SPCS2: variants seen among roughly 807,000 people sequenced by gnomAD.
SPCS2 encodes signal peptidase complex subunit 2, also known as SPase 25 kDa subunit.
Under a neutral mutation model 22.3 loss-of-function variants are expected in SPCS2, and 3 were observed. That is an observed-to-expected ratio of 0.13 (90% CI 0.06 to 0.35). The LOEUF is 0.35. Among genes scored for constraint, SPCS2 ranks in the 10% least tolerant of loss-of-function variants. SPCS2 has a pLI of 1.00. For synonymous variants in SPCS2, 67 were observed against 97.2 expected, an observed-to-expected ratio of 0.69 and a Z score of 1.83; for missense variants, 169 against 280.9, an observed-to-expected ratio of 0.60 and a Z score of 2.85.
Position 74,965,811 on chromosome 11 carries a change from G to A in SPCS2, c.247G>A (p.Gly83Ser), listed in dbSNP as rs752434186. The change falls in exon 3 of 5, where the codon GGT becomes AGT. Residue 83 changes from glycine to serine, a missense_variant. By Grantham distance (56) the Gly-to-Ser change is moderately conservative. Coordinates refer to ENST00000263672, the MANE Select transcript of SPCS2 (RefSeq NM_014752.3). The stretch of plus-strand genomic sequence containing the variant: ...TGTGGAGAATTTTGGTCTAATTGAT[G>A]GTCGCCTCACCATCTGTACAATCTC... The part of the protein sequence containing the change: ...KYVENFGLID[G>S]RLTICTISCF... The A allele has an allele frequency of 6.2e-7, 1 of 1,612,960 alleles. No homozygotes were observed. The highest frequency in any genetic ancestry group is 8.5e-7 in the Non-Finnish European group (1 of 1,179,280).
At chr11:74,972,488 C>T (rs1244753955) in intron 4 of SPCS2, among the ~76,000 whole-genome samples, 1 of 152,206 alleles carries the variant, frequency 6.6e-6, no homozygotes, top group Non-Finnish European at 1.5e-5. Context: ...GCTCCTTTAC[C>T]ATTCACTATA....
At chr11:74,976,760 G>A (rs982736528) in intron 4 of SPCS2, 97 bp from the exon 5 acceptor site, 40 of 1,499,490 alleles carry the variant, frequency 2.7e-5, no homozygotes, top group Non-Finnish European at 3.7e-5. Flanking sequence ...ACCGTGCCCA[G>A]CTTACTCCTT....
chr11:74,965,218 G>C lies in SPCS2; in HGVS notation c.198+101G>C, dbSNP rs1014248017. ...TAACTTGGAGTGACCTTAGTTTTCA[G>C]TGTTAGAAATTAAGTCAGAAAGCAG... On this transcript the variant is annotated intron_variant, in intron 2 of 4. Coordinates refer to ENST00000263672, the MANE Select transcript of SPCS2 (RefSeq NM_014752.3). 42 of 783,278 alleles carry C rather than the reference G, an allele frequency of 5.4e-5. No individual in the cohort carries two copies. The African/African-American group carries it at 7.4e-4, about 14-fold the overall frequency. 48.5% of individuals were successfully genotyped at this position (783,278 alleles called of 1,614,324 possible).
chr11:74,962,462 TAAAAG>T (rs1948519828), intron 1 of SPCS2, among the ~76,000 whole-genome samples: 1 of 150,964 alleles, frequency 6.6e-6, no homozygotes, highest in Non-Finnish European at 1.5e-5. Flanking sequence ...AGGTCCCACA[TAAAAG>T]AAACTAATTT....
In SPCS2 at chr11:74,951,810, C is replaced by CA. The variant is rs61038317; in HGVS notation, c.114+2430dup. 8.1e-3 allele frequency among the ~76,000 whole-genome samples: 656 copies of CA among 81,324 alleles called. 9 individuals are homozygous for CA. Among genetic ancestry groups the CA allele is most frequent in the African/African-American group, 0.021 (474 of 22,204 alleles). 53.4% of individuals were successfully genotyped at this position (81,324 alleles called of 152,430 possible). On this transcript the variant is annotated intron_variant, in intron 1 of 4. Coordinates refer to ENST00000263672, the MANE Select transcript of SPCS2 (RefSeq NM_014752.3). The stretch of plus-strand genomic sequence containing the variant: ...GGGCAACAAGAGGGAAACTCTGTCT[C>CA]AAAAAAAAAAAAAAAAAAAGAGTAA...
At chr11:74,973,371 A>C (rs756674499) in intron 4 of SPCS2, among the ~76,000 whole-genome samples, 5 of 152,162 alleles carry the variant, frequency 3.3e-5, no homozygotes, top group Non-Finnish European at 4.4e-5. Flanking sequence ...TGCCATATTC[A>C]CATAGATGGT....
intron 1 of SPCS2, among the ~76,000 whole-genome samples, chr11:74,950,098 TA>T (rs1390162068): frequency 6.6e-6 from 1 of 152,168 alleles, no homozygotes; most frequent in African/African-American, 2.4e-5. Flanking sequence ...AACAAGGGTT[TA>T]AAAGAAAAGA....
At chr11:74,968,498 G>T (rs1051999684) in intron 3 of SPCS2, among the ~76,000 whole-genome samples, 11 of 147,080 alleles carry the variant, frequency 7.5e-5, no homozygotes, top group South Asian at 2.2e-4. Context: ...ATTTTTTTTT[G>T]GTTTTTGTGG....
chr11:74,976,741 C>T (rs534897504), intron 4 of SPCS2, 116 bp from the exon 5 acceptor site: 13 of 1,300,798 alleles, frequency 1.0e-5, no homozygotes, highest in Middle Eastern at 2.0e-4. Context: ...TGTGTTTGTT[C>T]CCTGTATCAC....
chr11:74,976,828 T>G (rs1948616473), intron 4 of SPCS2, 29 bp from the exon 5 acceptor site: 1 of 1,613,154 alleles, frequency 6.2e-7, no homozygotes. Context: ...GTTTGGTTTT[T>G]AATTTGTTAT....
At chr11:74,950,371 G>C (rs1948383602) in intron 1 of SPCS2, among the ~76,000 whole-genome samples, 1 of 152,178 alleles carries the variant, frequency 6.6e-6, no homozygotes, top group Non-Finnish European at 1.5e-5. Context: ...GAATTGTTAA[G>C]CATGGTGTCT....
At chr11:74,972,215 G>A (rs946151300) in intron 4 of SPCS2, among the ~76,000 whole-genome samples, 1 of 151,868 alleles carries the variant, frequency 6.6e-6, no homozygotes, top group African/African-American at 2.4e-5. Context: ...ACGGACCCAC[G>A]ACCACACCCG....
At position 74,953,471 on chromosome 11, in the gene SPCS2, GC is replaced by G. The variant is rs540256380; in HGVS notation, c.114+4073del. On this transcript the variant is annotated intron_variant, in intron 1 of 4. Transcript: ENST00000263672. ...GCCTCCCAAAGTGCGGGGTTTACAA[GC>G]GTGCGCCACCACACCCAGCCTAATA... Among the ~76,000 whole-genome samples, 314 of 152,296 alleles carry G rather than the reference GC, an allele frequency of 2.1e-3. 4 individuals are homozygous for G. The highest frequency in any genetic ancestry group is 6.9e-3 in the African/African-American group (288 of 41,548).
At chr11:74,951,139 CG>C (rs1565483805) in intron 1 of SPCS2, among the ~76,000 whole-genome samples, 1 of 152,146 alleles carries the variant, frequency 6.6e-6, no homozygotes, top group East Asian at 1.9e-4. Flanking sequence ...TGAAAGAACC[CG>C]GATGTGGGGA....
At position 74,949,323 on chromosome 11, in the gene SPCS2, G is replaced by C; in HGVS notation, c.38G>C (p.Gly13Ala). The stretch of plus-strand genomic sequence containing the variant: ...GCTGTACAGGGCGGGAGAAGCGGTG[G>C]TAGCGGAGGCTGTAGTGGGGCTGGT... ...AAAVQGGRSG[G>A]SGGCSGAGGA... is the part of the protein sequence containing the mutation. Residue 13 changes from glycine (G) to alanine (A), a missense_variant, in exon 1 of 5, where the codon GGT becomes GCT. This residue lies in a region of SPCS2 where 51 missense variants were observed against 37.8 expected (regional missense o/e 1.35). Transcript: ENST00000263672. 1 of 1,550,604 alleles carries C rather than the reference G, an allele frequency of 6.4e-7. No individual in the cohort carries two copies. The highest frequency in any genetic ancestry group is 1.2e-5 in the South Asian group (1 of 84,008).
chr11:74,962,673 A>C (rs1286490693), intron 1 of SPCS2, among the ~76,000 whole-genome samples: 1 of 152,230 alleles, frequency 6.6e-6, no homozygotes, highest in Non-Finnish European at 1.5e-5. Flanking sequence ...CAGAAAAAGA[A>C]GCACCTAATA....
rs181981702 is a variant in SPCS2 at position 74,972,158 on chromosome 11, C to T, written c.494+2459C>T. ...CTTGGCTCACTGCAACCTCCTCATC[C>T]GGCTTCAAGTGATTCTCCTGCCTCA... On this transcript the variant is annotated intron_variant, in intron 4 of 4. Transcript: ENST00000263672. Among the ~76,000 whole-genome samples, 26 of 152,206 alleles carry T rather than the reference C, an allele frequency of 1.7e-4. No individual in the cohort carries two copies. In the East Asian group the frequency reaches 2.3e-3, roughly 14 times the overall value.
intron 1 of SPCS2, among the ~76,000 whole-genome samples, chr11:74,959,658 C>T (rs1483079565): frequency 6.6e-6 from 1 of 152,332 alleles, no homozygotes; most frequent in East Asian, 1.9e-4. Flanking sequence ...CCACCTTGGC[C>T]TCCCAAAGTG....
intron 1 of SPCS2, among the ~76,000 whole-genome samples, chr11:74,960,039 G>A (rs1174526613): frequency 6.6e-6 from 1 of 152,224 alleles, no homozygotes; most frequent in Non-Finnish European, 1.5e-5. Flanking sequence ...CATCAGGTGT[G>A]TTAGTCTGAC....
Sources: allele counts gnomAD v4.1 joint callset (sites outside exome capture counted in the v4.1 genomes callset), GRCh38; gene constraint gnomAD v4.1.1; regional missense constraint gnomAD v4.1.1; transcripts MANE v1.5; gene names NCBI Gene and HGNC (gene_info 2026-07-23, HGNC 2026-07-21).